The following ABI2 variants were observed in gnomAD, a reference collection of about 807,000 sequenced individuals.
ABI2 encodes abl interactor 2.
In ABI2, 25 loss-of-function variants were observed where a neutral mutation model predicts 59.2. That is an observed-to-expected ratio of 0.42 (90% CI 0.31 to 0.59). ABI2 has a LOEUF of 0.59. Among genes scored for constraint, ABI2 ranks in the 20% least tolerant of loss-of-function variants. The pLI, the probability that ABI2 is intolerant of heterozygous loss-of-function variation, is 0.14. For missense variants in ABI2, 545 were observed against 681.8 expected, an observed-to-expected ratio of 0.80 and a Z score of 2.23; for synonymous variants, 213 against 235.5, an observed-to-expected ratio of 0.90 and a Z score of 0.87.
intron 10 of ABI2, among the ~76,000 whole-genome samples, chr2:203,411,632 T>C (rs2153512964): frequency 6.6e-6 from 1 of 152,348 alleles, no homozygotes; most frequent in African/African-American, 2.4e-5. Context: ...GTATCTTTAA[T>C]CACTAGATAT....
chr2:203,419,728 G>C (rs1181076875), intron 11 of ABI2, among the ~76,000 whole-genome samples: 1 of 151,776 alleles, frequency 6.6e-6, no homozygotes, highest in African/African-American at 2.4e-5. Flanking sequence ...AATGCTTTGG[G>C]CTGTAATCCC....
At chr2:203,375,944 T>C in intron 2 of ABI2, 1 of 752,200 alleles carries the variant, frequency 1.3e-6, no homozygotes, top group Non-Finnish European at 2.1e-6. Flanking sequence ...AATACTGCAG[T>C]TCAACCCCGT....
At chr2:203,330,178 C>T (rs1218655340) in intron 1 of ABI2, among the ~76,000 whole-genome samples, 3 of 143,844 alleles carry the variant, frequency 2.1e-5, no homozygotes, top group Non-Finnish European at 4.6e-5. Flanking sequence ...ATACTGTTAT[C>T]TTGTAGACAA....
chr2:203,361,245 T>C (rs2093454070), intron 1 of ABI2, among the ~76,000 whole-genome samples: 1 of 152,212 alleles, frequency 6.6e-6, no homozygotes, highest in Admixed American at 6.5e-5. Context: ...TTGGGTCATG[T>C]GTCCCTTCCT....
chr2:203,410,086 C>G (rs1278438229), intron 9 of ABI2, among the ~76,000 whole-genome samples: 1 of 152,180 alleles, frequency 6.6e-6, no homozygotes, highest in Non-Finnish European at 1.5e-5. Flanking sequence ...TTGCTTCTCT[C>G]AACTTGATTA....
intron 11 of ABI2, among the ~76,000 whole-genome samples, chr2:203,420,813 C>G (rs1216362146): frequency 6.6e-6 from 1 of 152,050 alleles, no homozygotes; most frequent in East Asian, 1.9e-4. Flanking sequence ...GAAAGCTTCT[C>G]AGAGAACATG....
At chr2:203,362,757 C>A (rs1291405290) in intron 1 of ABI2, among the ~76,000 whole-genome samples, 1 of 151,778 alleles carries the variant, frequency 6.6e-6, no homozygotes, top group Non-Finnish European at 1.5e-5. Context: ...GAACTCCTGA[C>A]CTCAGGTGAT....
intron 1 of ABI2, among the ~76,000 whole-genome samples, chr2:203,332,255 C>G (rs1269838246): frequency 6.6e-6 from 1 of 152,028 alleles, no homozygotes; most frequent in Non-Finnish European, 1.5e-5. Context: ...TATTTCTTGC[C>G]TATACAAAGG....
rs189432820 is a variant in ABI2, at chr2:203,352,067, G to A, written c.118-14810G>A. 1.2e-4 allele frequency among the ~76,000 whole-genome samples: 18 copies of A among 152,244 alleles called. No individual in the cohort carries two copies. In the East Asian group the frequency reaches 3.5e-3, roughly 29 times the overall value. ...CTACTAGTCGTTATAGAAGAGCAAA[G>A]GCAGAAGACACACACATCACAATTT... On this transcript the variant is annotated intron_variant, in intron 1 of 11. Coordinates refer to ENST00000261018, the MANE Select transcript of ABI2 (RefSeq NM_001375670.1).
Position 203,395,771 on chromosome 2 carries a change from G to A in ABI2, c.841G>A (p.Val281Ile). 6.3e-7 allele frequency: 1 copy of A among 1,594,144 alleles called. No homozygotes were observed. The highest frequency in any genetic ancestry group is 2.3e-5 in the East Asian group (1 of 43,458). ...TGTTCCTACTCCATCTCCTCCCAGTGTCTTTCCAGGTAAAACATTCATGGT... is the reference window on the plus strand; with the variant it reads ...TGTTCCTACTCCATCTCCTCCCAGTATCTTTCCAGGTAAAACATTCATGGT... ...IAVPTPSPPS[V>I]FPAPAGSAGT... Residue 281 changes from valine (V) to isoleucine (I), a missense_variant, in exon 7 of 12, where the codon GTC becomes ATC. Val to Ile is a conservative substitution (Grantham distance 29). Transcript: ENST00000261018.
At chr2:203,336,672 T>C (rs568879402) in intron 1 of ABI2, among the ~76,000 whole-genome samples, 1 of 152,294 alleles carries the variant, frequency 6.6e-6, no homozygotes, top group South Asian at 2.1e-4. Flanking sequence ...GCTCCTTTTG[T>C]TTTAGTATTG....
At position 203,429,393 on chromosome 2, in the gene ABI2, T is replaced by G. The variant is rs1277935348; in HGVS notation, c.*2041T>G. On this transcript the variant is annotated 3_prime_UTR_variant, in exon 12 of 12. Coordinates refer to ENST00000261018, the MANE Select transcript of ABI2 (RefSeq NM_001375670.1). ...TGTTTTAAATTAGATGTTCCCATTA[T>G]TTATTTAAACAGCTTTTTGCTGAGA... 1 of 152,248 alleles carries G rather than the reference T, an allele frequency of 6.6e-6. No individual in the cohort carries two copies. The highest frequency in any genetic ancestry group is 1.9e-4 in the East Asian group (1 of 5,202). 9.4% of individuals were successfully genotyped at this position (152,248 alleles called of 1,614,324 possible). A position where few individuals can be genotyped will look rare whatever the true frequency, so the allele number is the denominator to read the frequency against.
intron 1 of ABI2, among the ~76,000 whole-genome samples, chr2:203,333,579 C>A (rs1299622936): frequency 6.6e-6 from 1 of 152,178 alleles, no homozygotes; most frequent in East Asian, 1.9e-4. Flanking sequence ...GATGACTCAA[C>A]TCATTTGAAA....
chr2:203,328,941 G>C (rs1021642189), intron 1 of ABI2: 1 of 240,602 alleles, frequency 4.2e-6, no homozygotes, highest in South Asian at 1.4e-4. Context: ...GGATGGCGGA[G>C]GGGGCGGAGA....
intron 1 of ABI2, among the ~76,000 whole-genome samples, chr2:203,343,602 T>G (rs2081390420): frequency 6.6e-6 from 1 of 152,128 alleles, no homozygotes. Flanking sequence ...GTGTTGAGAT[T>G]ACAAGTGTGA....
chr2:203,341,634 C>T (rs1236590819), intron 1 of ABI2, among the ~76,000 whole-genome samples: 3 of 151,986 alleles, frequency 2.0e-5, no homozygotes, highest in East Asian at 1.9e-4. Context: ...TGCTTGAACC[C>T]GGGTGGCAGA....
At chr2:203,384,870 C>T (rs1208295933) in intron 4 of ABI2, among the ~76,000 whole-genome samples, 3 of 149,316 alleles carry the variant, frequency 2.0e-5, no homozygotes, top group South Asian at 2.1e-4. Flanking sequence ...AGTCTTGCTC[C>T]GTCACCCAGG....
At chr2:203,346,030 GCGCACACACACA>G (rs1205152265) in intron 1 of ABI2, among the ~76,000 whole-genome samples, 3 of 151,012 alleles carry the variant, frequency 2.0e-5, no homozygotes, top group African/African-American at 7.3e-5. Flanking sequence ...AAATACACAC[GCGCACACACACA>G]CACAAACTGA....
At chr2:203,370,195 TCTC>T (rs2095000515) in intron 2 of ABI2, among the ~76,000 whole-genome samples, 1 of 85,488 alleles carries the variant, frequency 1.2e-5, no homozygotes, top group Non-Finnish European at 2.7e-5. Context: ...ATTCTCTCTC[TCTC>T]TCTCTCTCTC....
Sources: allele counts gnomAD v4.1 joint callset (sites outside exome capture counted in the v4.1 genomes callset), GRCh38; gene constraint gnomAD v4.1.1; transcripts MANE v1.5; gene names NCBI Gene and HGNC (gene_info 2026-07-23, HGNC 2026-07-21).